FBXO4: variants seen among roughly 807,000 people sequenced by gnomAD.
The protein encoded by FBXO4 is F-box only protein 4.
FBXO4 carries 36 observed loss-of-function variants against 43.7 expected under a neutral mutation model. The ratio of observed to expected loss-of-function variants is 0.82; its 90% CI spans 0.63 to 1.09. The LOEUF (loss-of-function observed/expected upper bound fraction) is 1.09. FBXO4 is among the 50% of genes least tolerant of loss of function. The probability of loss-of-function intolerance (pLI) is 0.00; values close to 1 mark genes in which losing one functional copy is unlikely to be tolerated. For synonymous variants in FBXO4, 180 were observed against 165.6 expected (o/e 1.09, Z -0.67); for missense variants, 435 against 474.1 (o/e 0.92, Z 0.77).
chr5:41,939,467 C>T lies in FBXO4; in HGVS notation c.925C>T (p.His309Tyr). The T allele has an allele frequency of 2.5e-6, 4 of 1,610,786 alleles. No homozygotes were observed. The highest frequency in any genetic ancestry group is 3.4e-6 in the Non-Finnish European group (4 of 1,178,218). The change falls in exon 6 of 7, where the codon CAT becomes TAT. Residue 309 changes from histidine (H) to tyrosine (Y), a missense_variant. Coordinates refer to ENST00000281623, the MANE Select transcript of FBXO4 (RefSeq NM_012176.3). ...KRHEWQDEFS[H>Y]IMAMTDPAFG... ...ACATGAATGGCAAGATGAATTTTCTCATATTATGGCAATGACAGATCCAGC... is the reference window on the plus strand; with the variant it reads ...ACATGAATGGCAAGATGAATTTTCTTATATTATGGCAATGACAGATCCAGC...
chr5:41,953,567 G>A, the FBXO4 span, among the ~76,000 whole-genome samples: 157 of 150,342 alleles, frequency 1.0e-3, 1 homozygote, highest in Non-Finnish European at 1.7e-3. Context: ...CTGAGGAATC[G>A]CCACACTGAC....
the FBXO4 span, among the ~76,000 whole-genome samples, chr5:42,025,746 ATTC>A: frequency 6.6e-6 from 1 of 152,086 alleles, no homozygotes; most frequent in East Asian, 1.9e-4. Context: ...GTCTAGTTAC[ATTC>A]TTCTGAATAT....
At chr5:41,965,780 T>C in the FBXO4 span, among the ~76,000 whole-genome samples, 3 of 151,808 alleles carry the variant, frequency 2.0e-5, no homozygotes, top group Non-Finnish European at 1.5e-5. Flanking sequence ...GGATCTAGAA[T>C]TAGAAATACC....
the FBXO4 span, among the ~76,000 whole-genome samples, chr5:42,000,321 C>T: frequency 2.9e-4 from 44 of 152,242 alleles, no homozygotes; most frequent in African/African-American, 1.1e-3. Flanking sequence ...CTTTAAGATA[C>T]TGATTGCATT....
At chr5:41,954,954 C>A in the FBXO4 span, among the ~76,000 whole-genome samples, 1 of 152,106 alleles carries the variant, frequency 6.6e-6, no homozygotes, top group Non-Finnish European at 1.5e-5. Flanking sequence ...AACTATAATT[C>A]AAAAATTTCC....
the FBXO4 span, among the ~76,000 whole-genome samples, chr5:42,040,377 C>T: frequency 2.0e-5 from 3 of 152,086 alleles, no homozygotes; most frequent in African/African-American, 4.8e-5. Flanking sequence ...GTAATAAACA[C>T]TTAATATGTA....
the FBXO4 span, among the ~76,000 whole-genome samples, chr5:41,991,144 C>A: frequency 6.6e-6 from 1 of 152,220 alleles, no homozygotes; most frequent in Non-Finnish European, 1.5e-5. Flanking sequence ...TACTAACCTG[C>A]TGACCATTTT....
chr5:41,951,393 C>G, the FBXO4 span: 107 of 239,648 alleles, frequency 4.5e-4, 1 homozygote, highest in African/African-American at 2.5e-3. Context: ...GCTGAGTGCT[C>G]CAGTGTTCAG....
At position 41,934,151 on chromosome 5, in the gene FBXO4, A is replaced by G. The variant is rs1442063887; in HGVS notation, c.741A>G (p.Ala247=). 2.5e-6 allele frequency: 4 copies of G among 1,614,020 alleles called. No homozygotes were observed. In the South Asian group the frequency reaches 4.4e-5, roughly 18 times the overall value. The part of the protein sequence containing the change: ...YSTTRKERDR[A]REEHTSAVNK... ...TTTCTAGAAAGGAAAGAGATAGAGC[A>G]AGGGAAGAGCATACAAGTGCAGTTA... The change falls in exon 5 of 7, where the codon GCA becomes GCG. Residue 247 remains alanine, a synonymous_variant. Coordinates refer to ENST00000281623, the MANE Select transcript of FBXO4 (RefSeq NM_012176.3).
At chr5:41,999,524 CATAT>C in the FBXO4 span, among the ~76,000 whole-genome samples, 4 of 87,828 alleles carry the variant, frequency 4.6e-5, no homozygotes, top group African/African-American at 1.5e-4. Flanking sequence ...TATATATATA[CATAT>C]ATATATACAT....
intron 5 of FBXO4, chr5:41,934,777 G>A: frequency 3.0e-6 from 3 of 1,013,464 alleles, no homozygotes; most frequent in Non-Finnish European, 3.5e-6. Context: ...TGTGATGGTA[G>A]GGTGTTAAGT....
chr5:41,949,138 CT>C, the FBXO4 span, among the ~76,000 whole-genome samples: 1 of 152,158 alleles, frequency 6.6e-6, no homozygotes, highest in African/African-American at 2.4e-5. Context: ...GAAGCATTCC[CT>C]TTGAAAACAG....
the FBXO4 span, chr5:41,967,977 G>A: frequency 1.5e-5 from 7 of 474,610 alleles, no homozygotes; most frequent in Admixed American, 1.3e-4. Flanking sequence ...CCAGAGCCAC[G>A]CTCAGGCATG....
the FBXO4 span, among the ~76,000 whole-genome samples, chr5:42,005,302 A>G: frequency 2.0e-5 from 3 of 152,156 alleles, no homozygotes; most frequent in Admixed American, 6.6e-5. Flanking sequence ...TATTTGCTTC[A>G]TAAGTATACT....
At chr5:42,025,366 G>T in the FBXO4 span, among the ~76,000 whole-genome samples, 2 of 151,858 alleles carry the variant, frequency 1.3e-5, no homozygotes, top group Non-Finnish European at 2.9e-5. Context: ...TTTGAGAAAT[G>T]CCTATTCAGA....
the FBXO4 span, among the ~76,000 whole-genome samples, chr5:41,966,333 A>T: frequency 6.6e-6 from 1 of 152,198 alleles, no homozygotes; most frequent in African/African-American, 2.4e-5. Flanking sequence ...ATTAAAAAAA[A>T]GATACACCAA....
chr5:41,975,405 A>T, the FBXO4 span, among the ~76,000 whole-genome samples: 1 of 152,234 alleles, frequency 6.6e-6, no homozygotes, highest in Non-Finnish European at 1.5e-5. Flanking sequence ...GCCAGAATTT[A>T]TTAGACTCCA....
chr5:42,034,851 C>CT, the FBXO4 span, among the ~76,000 whole-genome samples: 1 of 151,912 alleles, frequency 6.6e-6, no homozygotes, highest in Admixed American at 6.6e-5. Context: ...TATACAGGCT[C>CT]TTTTTTTTCC....
At chr5:41,997,414 A>C in the FBXO4 span, among the ~76,000 whole-genome samples, 1 of 152,116 alleles carries the variant, frequency 6.6e-6, no homozygotes, top group Non-Finnish European at 1.5e-5. Context: ...ATTGTTTCTG[A>C]GTTACTATTT....
Sources: allele counts gnomAD v4.1 joint callset (sites outside exome capture counted in the v4.1 genomes callset), GRCh38; gene constraint gnomAD v4.1.1; transcripts MANE v1.5; gene names NCBI Gene and HGNC (gene_info 2026-07-23, HGNC 2026-07-21).